Variants in PTPRG observed in about 807,000 individuals in gnomAD.
PTPRG encodes the protein receptor-type tyrosine-protein phosphatase gamma.
A neutral mutation model predicts 165.3 loss-of-function variants in PTPRG; 102 were observed. The observed-to-expected ratio is 0.62, with a 90% CI of 0.53 to 0.73. PTPRG has a LOEUF of 0.73. Ranked by LOEUF, PTPRG falls within the 30% of genes least tolerant of loss-of-function variation. PTPRG has a pLI of 0.00. For synonymous variants in PTPRG, 675 were observed against 669.5 expected (o/e 1.01, Z -0.13); for missense variants, 1,866 against 1,861.4 (o/e 1.00, Z -0.05).
intron 2 of PTPRG, among the ~76,000 whole-genome samples, chr3:61,937,881 CA>C (rs1198406914): frequency 6.6e-6 from 1 of 151,524 alleles, no homozygotes; most frequent in Non-Finnish European, 1.5e-5. Flanking sequence ...CTGGTGCTGC[CA>C]AGAAGCTTTT....
chr3:62,188,896 C>T (rs1699731761), intron 8 of PTPRG, among the ~76,000 whole-genome samples: 1 of 151,976 alleles, frequency 6.6e-6, no homozygotes. Context: ...CATCTCGGTT[C>T]GTTATTAGTA....
intron 2 of PTPRG, among the ~76,000 whole-genome samples, chr3:61,801,290 A>C (rs2035233293): frequency 6.6e-6 from 1 of 151,540 alleles, no homozygotes; most frequent in Admixed American, 6.6e-5. Context: ...TGGTGTGCGC[A>C]CACGCATATG....
At chr3:61,967,166 G>T (rs1191056137) in intron 2 of PTPRG, among the ~76,000 whole-genome samples, 1 of 152,196 alleles carries the variant, frequency 6.6e-6, no homozygotes, top group South Asian at 2.1e-4. Context: ...GTCTAGGCCT[G>T]ACCTGGACCA....
At position 62,028,229 on chromosome 3, in the gene PTPRG, A is replaced by C. The variant is rs571307843; in HGVS notation, c.519+24732A>C. On this transcript the variant is annotated intron_variant, in intron 4 of 29. Coordinates refer to ENST00000474889, the MANE Select transcript of PTPRG (RefSeq NM_002841.4). ...TTTGAAAGGTATGCATTTTTTTGTC[A>C]TAAAGAGCTCTTCAAAATGATCTTT... Among the ~76,000 whole-genome samples, 253 of 152,296 alleles carry C rather than the reference A, an allele frequency of 1.7e-3. 1 individual carries two copies. Among genetic ancestry groups the C allele is most frequent in the African/African-American group, 5.8e-3 (243 of 41,576 alleles).
intron 14 of PTPRG, among the ~76,000 whole-genome samples, chr3:62,235,573 T>G: frequency 6.6e-6 from 1 of 152,234 alleles, no homozygotes; most frequent in Non-Finnish European, 1.5e-5. Context: ...GCTAAGAGAA[T>G]ATAGTTTTGA....
At chr3:62,125,807 G>C (rs1703268766) in intron 5 of PTPRG, among the ~76,000 whole-genome samples, 1 of 151,930 alleles carries the variant, frequency 6.6e-6, no homozygotes, top group Non-Finnish European at 1.5e-5. Flanking sequence ...TCCGGTTCAG[G>C]AGCAGCCTGC....
chr3:61,982,530 G>A (rs2107680952), intron 2 of PTPRG, among the ~76,000 whole-genome samples: 1 of 152,262 alleles, frequency 6.6e-6, no homozygotes, highest in South Asian at 2.1e-4. Flanking sequence ...TGGATGGCAT[G>A]CATATTCATG....
At chr3:61,744,937 T>G (rs905694051) in intron 1 of PTPRG, among the ~76,000 whole-genome samples, 1 of 152,120 alleles carries the variant, frequency 6.6e-6, no homozygotes, top group African/African-American at 2.4e-5. Flanking sequence ...CTGTGGCTTA[T>G]GTAAACAGGT....
At chr3:62,006,925 T>G (rs544033114) in intron 4 of PTPRG, among the ~76,000 whole-genome samples, 64 of 152,330 alleles carry the variant, frequency 4.2e-4, no homozygotes, top group African/African-American at 1.4e-3. Context: ...AAGCATTTCT[T>G]TATCTAAGTA....
At chr3:61,713,747 T>C (rs1300735595) in intron 1 of PTPRG, among the ~76,000 whole-genome samples, 1 of 152,114 alleles carries the variant, frequency 6.6e-6, no homozygotes, top group Non-Finnish European at 1.5e-5. Flanking sequence ...GTGTCCCAAT[T>C]TTTGGTTTGT....
At chr3:61,732,634 G>T (rs953564124) in intron 1 of PTPRG, among the ~76,000 whole-genome samples, 2 of 150,990 alleles carry the variant, frequency 1.3e-5, no homozygotes, top group Non-Finnish European at 2.9e-5. Flanking sequence ...GCATGAACCC[G>T]AGAGGCGGAG....
At chr3:62,095,534 G>A (rs1004384789) in intron 5 of PTPRG, among the ~76,000 whole-genome samples, 9 of 152,178 alleles carry the variant, frequency 5.9e-5, no homozygotes, top group Non-Finnish European at 7.3e-5. Flanking sequence ...GCTATTTCTT[G>A]TAGCCAACTG....
intron 6 of PTPRG, among the ~76,000 whole-genome samples, chr3:62,149,204 G>A (rs560995333): frequency 6.6e-6 from 1 of 151,586 alleles, no homozygotes; most frequent in Non-Finnish European, 1.5e-5. Flanking sequence ...GCTATAGAGA[G>A]CAAGTATTTT....
rs142554269 is a variant in PTPRG, at chr3:61,954,034, C to G, written c.191-35591C>G. Among the ~76,000 whole-genome samples the G allele has an allele frequency of 4.5e-3, 678 of 152,202 alleles. 6 individuals carry two copies. Among genetic ancestry groups the G allele is most frequent in the African/African-American group, 0.015 (620 of 41,524 alleles). On this transcript the variant is annotated intron_variant, in intron 2 of 29. Coordinates refer to ENST00000474889, the MANE Select transcript of PTPRG (RefSeq NM_002841.4). The stretch of plus-strand genomic sequence containing the variant: ...GGATGAAGAGTGTTGGATTGGAAAT[C>G]TGGGGAGAGGACAGACTCATTGGTC...
chr3:61,689,447 G>A (rs112622609), intron 1 of PTPRG, among the ~76,000 whole-genome samples: 8 of 152,188 alleles, frequency 5.3e-5, no homozygotes, highest in African/African-American at 1.9e-4. Flanking sequence ...ATTTCACTTT[G>A]GAGGGAACAG....
At chr3:62,185,033 G>A (rs1318170887) in intron 8 of PTPRG, among the ~76,000 whole-genome samples, 3 of 151,534 alleles carry the variant, frequency 2.0e-5, no homozygotes, top group Non-Finnish European at 4.4e-5. Flanking sequence ...GTGGGGGTGG[G>A]GAGCCTACTA....
At chr3:61,952,426 G>A (rs1305921004) in intron 2 of PTPRG, among the ~76,000 whole-genome samples, 1 of 152,048 alleles carries the variant, frequency 6.6e-6, no homozygotes, top group Non-Finnish European at 1.5e-5. Context: ...ATTAACTGTT[G>A]GAATTCCTCT....
intron 28 of PTPRG, among the ~76,000 whole-genome samples, chr3:62,291,228 G>T (rs546090170): frequency 3.9e-4 from 60 of 152,220 alleles, no homozygotes; most frequent in African/African-American, 1.1e-3. Flanking sequence ...AAAATGATGA[G>T]GAGAAGCAAG....
intron 2 of PTPRG, among the ~76,000 whole-genome samples, chr3:61,908,475 T>C (rs2038716019): frequency 6.6e-6 from 1 of 151,382 alleles, no homozygotes; most frequent in African/African-American, 2.4e-5. Context: ...GAAATATATA[T>C]TGGGAGGTCA....
Sources: allele counts gnomAD v4.1 joint callset (sites outside exome capture counted in the v4.1 genomes callset), GRCh38; gene constraint gnomAD v4.1.1; transcripts MANE v1.5; gene names NCBI Gene and HGNC (gene_info 2026-07-23, HGNC 2026-07-21).